DLGAP2: variants seen among roughly 807,000 people sequenced by gnomAD.
DLGAP2 encodes DLG associated protein 2.
DLGAP2 carries 26 observed loss-of-function variants against 100.3 expected under a neutral mutation model. That is an observed-to-expected ratio of 0.26 (90% CI 0.19 to 0.36). The LOEUF (loss-of-function observed/expected upper bound fraction) is 0.36. Among genes scored for constraint, DLGAP2 ranks in the 10% least tolerant of loss-of-function variants. The probability of loss-of-function intolerance (pLI) is 1.00; values close to 1 mark genes in which losing one functional copy is unlikely to be tolerated. For synonymous variants in DLGAP2, 886 were observed against 630.1 expected (o/e 1.41, Z -6.08); for missense variants, 1,858 against 1,453.2 (o/e 1.28, Z -4.53).
intron 10 of DLGAP2, among the ~76,000 whole-genome samples, chr8:1,675,892 A>T (rs1306999924): frequency 2.0e-5 from 3 of 151,534 alleles, no homozygotes; most frequent in Non-Finnish European, 4.4e-5. Context: ...CACATAGCTG[A>T]TGATCATTGC....
chr8:1,318,753 G>A (rs1038299616), intron 3 of DLGAP2, among the ~76,000 whole-genome samples: 13 of 148,914 alleles, frequency 8.7e-5, no homozygotes, highest in Admixed American at 2.7e-4. Context: ...TGTTTTCATT[G>A]TAACTAATCC....
In DLGAP2 at chr8:1,670,894, G is replaced by A. The variant is rs75959993; in HGVS notation, c.2202+1110G>A. On this transcript the variant is annotated intron_variant, in intron 10 of 14. Transcript: ENST00000637795. The stretch of plus-strand genomic sequence containing the variant: ...AGAAGGAATCGAGCAGATGAAAGAC[G>A]GGTTCCTTCTTTCAGGGAGGCGTCA... Among the ~76,000 whole-genome samples the A allele has an allele frequency of 4.0e-3, 605 of 152,326 alleles. 4 individuals carry two copies. The highest frequency in any genetic ancestry group is 0.029 in the East Asian group (152 of 5,192).
rs571011368 is a variant in DLGAP2, at chr8:1,378,130, C to T, written c.106+119247C>T. On this transcript the variant is annotated intron_variant, in intron 3 of 14. Coordinates refer to ENST00000637795, the MANE Select transcript of DLGAP2 (RefSeq NM_001346810.2). ...CACCTGGCCTCACTTGTCCCTTGCA[C>T]GTATGCCGTATGTCTGACTTTGTCT... 9 of 161,398 alleles carry T rather than the reference C, an allele frequency of 5.6e-5. No individual in the cohort carries two copies. The South Asian group carries it at 1.2e-3, about 21-fold the overall frequency. The allele number at this position is 161,398 out of a possible 1,614,324, so 10.0% of individuals were successfully genotyped here. A position where few individuals can be genotyped will look rare whatever the true frequency, so the allele number is the denominator to read the frequency against.
intron 2 of DLGAP2, among the ~76,000 whole-genome samples, chr8:1,225,904 A>G (rs998980826): frequency 6.6e-6 from 1 of 152,244 alleles, no homozygotes; most frequent in Admixed American, 6.5e-5. Context: ...ATGTATGCAT[A>G]TATCAAAACA....
At chr8:1,185,748 C>G (rs1797488374) in intron 2 of DLGAP2, among the ~76,000 whole-genome samples, 3 of 145,742 alleles carry the variant, frequency 2.1e-5, no homozygotes, top group Middle Eastern at 3.5e-3. Context: ...CACACACACT[C>G]ACACACATTC....
At chr8:751,022 C>T (rs982062216) in intron 1 of DLGAP2, among the ~76,000 whole-genome samples, 1 of 152,148 alleles carries the variant, frequency 6.6e-6, no homozygotes. Context: ...CGCTGATCTC[C>T]GGCCACCCTC....
At chr8:817,014 G>A (rs971219895) in intron 1 of DLGAP2, among the ~76,000 whole-genome samples, 6 of 151,962 alleles carry the variant, frequency 3.9e-5, no homozygotes, top group South Asian at 2.1e-4. Flanking sequence ...GGTGGTGGGC[G>A]CCTGTAGTCC....
In DLGAP2 at chr8:1,625,209, A is replaced by G. The variant is rs563333352; in HGVS notation, c.1443-1531A>G. 5.9e-5 allele frequency among the ~76,000 whole-genome samples: 9 copies of G among 152,352 alleles called. No individual in the cohort carries two copies. In the South Asian group the frequency reaches 1.7e-3, roughly 28 times the overall value. ...GTACCTGCTTGTGCACTGATATTTA[A>G]TGTTCCTATTATCATCCAAAACAGG... On this transcript the variant is annotated intron_variant, in intron 6 of 14. Coordinates refer to ENST00000637795, the MANE Select transcript of DLGAP2 (RefSeq NM_001346810.2).
intron 3 of DLGAP2, among the ~76,000 whole-genome samples, chr8:1,282,102 C>T (rs1799827068): frequency 1.4e-5 from 2 of 147,304 alleles, no homozygotes; most frequent in South Asian, 2.2e-4. Context: ...TGACCTGAAC[C>T]CAGCACTCTG....
chr8:1,657,041 A>C (rs955509040), intron 8 of DLGAP2, among the ~76,000 whole-genome samples: 4 of 152,260 alleles, frequency 2.6e-5, no homozygotes, highest in African/African-American at 4.8e-5. Flanking sequence ...ATGGTAAAAG[A>C]AACCAATGCT....
chr8:1,472,489 A>G (rs890154711), intron 3 of DLGAP2, among the ~76,000 whole-genome samples: 1 of 152,204 alleles, frequency 6.6e-6, no homozygotes, highest in East Asian at 1.9e-4. Context: ...TTTTGAAATC[A>G]CTAAACAAGG....
chr8:1,520,664 C>G (rs1170624523), intron 4 of DLGAP2, among the ~76,000 whole-genome samples: 1 of 152,134 alleles, frequency 6.6e-6, no homozygotes. Flanking sequence ...CCAGAATGAC[C>G]CATGGATTCA....
At chr8:1,101,412 A>C (rs78842002) in intron 2 of DLGAP2, among the ~76,000 whole-genome samples, 12,897 of 152,244 alleles carry the variant, frequency 0.085, 768 homozygotes, top group African/African-American at 0.16. Flanking sequence ...TGAGGACATT[A>C]AGCACAGTGA....
intron 2 of DLGAP2, among the ~76,000 whole-genome samples, chr8:1,210,288 C>T (rs1798076689): frequency 6.6e-6 from 1 of 152,146 alleles, no homozygotes; most frequent in Admixed American, 6.5e-5. Context: ...GGCAGGGATT[C>T]AGCTGATGAC....
chr8:1,042,148 G>GCCAGCAACCCCAGTGAGT (rs1802373187), intron 2 of DLGAP2, among the ~76,000 whole-genome samples: 1 of 152,196 alleles, frequency 6.6e-6, no homozygotes, highest in Non-Finnish European at 1.5e-5. Context: ...GCTGGGGAAA[G>GCCAGCAACCCCAGTGAGT]CCAGCAACCC....
chr8:1,190,707 G>T (rs1797614940), intron 2 of DLGAP2, among the ~76,000 whole-genome samples: 1 of 152,158 alleles, frequency 6.6e-6, no homozygotes, highest in Admixed American at 6.5e-5. Flanking sequence ...GAAGAAGAAA[G>T]CCAGGGCCAG....
intron 1 of DLGAP2, among the ~76,000 whole-genome samples, chr8:856,485 G>A (rs1045273771): frequency 6.6e-6 from 1 of 152,134 alleles, no homozygotes; most frequent in Non-Finnish European, 1.5e-5. Context: ...ACGGCACCCA[G>A]CAGTGGAAAA....
chr8:860,748 G>A (rs1258273584), intron 1 of DLGAP2, among the ~76,000 whole-genome samples: 1 of 152,220 alleles, frequency 6.6e-6, no homozygotes, highest in Non-Finnish European at 1.5e-5. Context: ...TGGCAGGCAT[G>A]CTTCTTGGTG....
At chr8:1,443,279 C>T (rs1317343183) in intron 3 of DLGAP2, among the ~76,000 whole-genome samples, 4 of 151,618 alleles carry the variant, frequency 2.6e-5, no homozygotes, top group Non-Finnish European at 5.9e-5. Context: ...ATACTTCCAG[C>T]CTTCCCTCCA....
Sources: allele counts gnomAD v4.1 joint callset (sites outside exome capture counted in the v4.1 genomes callset), GRCh38; gene constraint gnomAD v4.1.1; transcripts MANE v1.5; gene names NCBI Gene and HGNC (gene_info 2026-07-23, HGNC 2026-07-21).